The following GLI2 variants were observed in gnomAD, a reference collection of about 807,000 sequenced individuals.
GLI2 encodes the protein transcription activator GLI2.
GLI2 carries 22 observed loss-of-function variants against 78.9 expected under a neutral mutation model. The ratio of observed to expected loss-of-function variants is 0.28; its 90% CI spans 0.20 to 0.40. GLI2 has a LOEUF of 0.40. Among genes scored for constraint, GLI2 ranks in the 10% least tolerant of loss-of-function variants. GLI2 has a pLI of 1.00. For missense variants in GLI2, 2,097 were observed against 2,213.2 expected, an observed-to-expected ratio of 0.95 and a Z score of 1.05; for synonymous variants, 974 against 963.7, an observed-to-expected ratio of 1.01 and a Z score of -0.20.
chr2:120,979,622 G>A (rs280192), intron 10 of GLI2, among the ~76,000 whole-genome samples: 100,742 of 151,974 alleles, frequency 0.66, 33,918 homozygotes, highest in Non-Finnish European at 0.74. Flanking sequence ...CACCCTTTTC[G>A]GAAAATGTGC....
rs1302372905 is a variant in GLI2 at position 120,990,128 on chromosome 2, C to T, written c.4163C>T (p.Ala1388Val). The change falls in exon 14 of 14, where the codon GCC becomes GTC. Residue 1388 changes from alanine (A) to valine (V), a missense_variant. Coordinates refer to ENST00000361492, the MANE Select transcript of GLI2 (RefSeq NM_001374353.1). ...YARATGHAMA[A>V]MPSSQETAEA... is the part of the protein sequence containing the mutation. ...AGGGCCACAGGCCATGCCATGGCTG[C>T]CATGCCGTCCAGTCAGGAAACAGCA... is the stretch of plus-strand genomic sequence containing the variant. 2 of 1,605,312 alleles carry T rather than the reference C, an allele frequency of 1.2e-6. No individual in the cohort carries two copies. Among genetic ancestry groups the T allele is most frequent in the South Asian group, 1.1e-5 (1 of 90,406 alleles).
intron 3 of GLI2, among the ~76,000 whole-genome samples, chr2:120,928,531 G>A (rs1224407313): frequency 6.6e-6 from 1 of 152,190 alleles, no homozygotes; most frequent in Admixed American, 6.5e-5. Flanking sequence ...ATGAATAGGT[G>A]TACAACCAGT....
intron 2 of GLI2, among the ~76,000 whole-genome samples, chr2:120,889,640 A>T (rs746226649): frequency 3.3e-5 from 5 of 152,204 alleles, no homozygotes; most frequent in Admixed American, 2.0e-4. Flanking sequence ...AGTAAAAAAG[A>T]AACAATATAA....
At chr2:120,830,715 C>T (rs906982180) in intron 2 of GLI2, among the ~76,000 whole-genome samples, 1 of 152,314 alleles carries the variant, frequency 6.6e-6, no homozygotes. Flanking sequence ...TTCCCAGAAC[C>T]TCATGGCTGG....
chr2:120,968,732 C>T lies in GLI2; in HGVS notation c.662C>T (p.Pro221Leu), dbSNP rs774865060. 1.3e-5 allele frequency: 21 copies of T among 1,613,282 alleles called. No individual in the cohort carries two copies. The South Asian group carries it at 1.8e-4, about 13-fold the overall frequency. Reference sequence around the variant, plus strand: ...CCCACAGTGTCCCGTTTCTCCAGCCCGCGGGTGACGCCCCGCCTGAGCCGC... The same window carrying T: ...CCCACAGTGTCCCGTTTCTCCAGCCTGCGGGTGACGCCCCGCCTGAGCCGC... ...NPVDVSRFSS[P>L]RVTPRLSRKR... The change falls in exon 6 of 14, where the codon CCG becomes CTG. Residue 221 changes from proline (P) to leucine (L), a missense_variant. Pro to Leu is a moderately conservative substitution (Grantham distance 98, BLOSUM62 -3). Transcript: ENST00000361492.
chr2:120,798,977 A>G (rs955316289), intron 2 of GLI2, among the ~76,000 whole-genome samples: 6 of 152,090 alleles, frequency 3.9e-5, no homozygotes, highest in Admixed American at 3.3e-4. Context: ...CCTCCGCCCC[A>G]CACCCTGCCT....
intron 2 of GLI2, among the ~76,000 whole-genome samples, chr2:120,853,076 G>A (rs923005228): frequency 6.6e-6 from 1 of 152,174 alleles, no homozygotes; most frequent in Non-Finnish European, 1.5e-5. Flanking sequence ...GACAGTAGAC[G>A]ACACTGTCTC....
At chr2:120,771,992 C>T (rs182380466) in intron 1 of GLI2, among the ~76,000 whole-genome samples, 1 of 152,324 alleles carries the variant, frequency 6.6e-6, no homozygotes, top group East Asian at 1.9e-4. Flanking sequence ...GGAGTGACCC[C>T]TGTCAAATGC....
At chr2:120,967,881 G>A (rs1365539619) in intron 5 of GLI2, among the ~76,000 whole-genome samples, 1 of 152,200 alleles carries the variant, frequency 6.6e-6, no homozygotes, top group Non-Finnish European at 1.5e-5. Flanking sequence ...TCCCTGCCCT[G>A]TTACAGCAGG....
At chr2:120,963,162 A>C (rs1195618785) in intron 5 of GLI2, among the ~76,000 whole-genome samples, 1 of 152,130 alleles carries the variant, frequency 6.6e-6, no homozygotes. Context: ...TCCATTATTG[A>C]CTGGAGGCTC....
At chr2:120,844,590 G>T (rs1352587416) in intron 2 of GLI2, among the ~76,000 whole-genome samples, 1 of 152,028 alleles carries the variant, frequency 6.6e-6, no homozygotes, top group African/African-American at 2.4e-5. Flanking sequence ...TTGGACTATG[G>T]TTTCTCAAAG....
chr2:120,972,625 C>G (rs1279647184), intron 8 of GLI2: 2 of 518,786 alleles, frequency 3.9e-6, no homozygotes, highest in Non-Finnish European at 7.7e-6. Context: ...AGAGGTGGCG[C>G]TATGGGAGAA....
chr2:120,749,341 A>G (rs1205079227), intron 1 of GLI2, among the ~76,000 whole-genome samples: 2 of 152,350 alleles, frequency 1.3e-5, no homozygotes, highest in East Asian at 1.9e-4. Context: ...ACAATTATTA[A>G]TTAGTGATTA....
intron 2 of GLI2, among the ~76,000 whole-genome samples, chr2:120,849,419 G>T (rs1231487090): frequency 6.6e-6 from 1 of 152,082 alleles, no homozygotes; most frequent in African/African-American, 2.4e-5. Context: ...TAGAATCCAG[G>T]TGTTTATCTT....
intron 1 of GLI2, among the ~76,000 whole-genome samples, chr2:120,750,269 T>C (rs997616425): frequency 2.0e-5 from 3 of 152,180 alleles, no homozygotes; most frequent in Admixed American, 1.3e-4. Context: ...CACCCCCTTT[T>C]GGGGGCAAGT....
Position 120,984,484 on chromosome 2 carries a change from G to T in GLI2, c.1646G>T (p.Cys549Phe). 1 of 1,614,146 alleles carries T rather than the reference G, an allele frequency of 6.2e-7. No individual in the cohort carries two copies. Among genetic ancestry groups the T allele is most frequent in the Non-Finnish European group, 8.5e-7 (1 of 1,180,014 alleles). The change falls in exon 12 of 14, where the codon TGC becomes TTC. Residue 549 changes from cysteine to phenylalanine, a missense_variant. By Grantham distance (205) the Cys-to-Phe change is radical. Coordinates refer to ENST00000361492, the MANE Select transcript of GLI2 (RefSeq NM_001374353.1). ...TTCTCTCCCCAGAAACCCTACATCT[G>T]CAAGATCCCAGGCTGCACCAAGAGA... The part of the protein sequence containing the change: ...RTHSNEKPYI[C>F]KIPGCTKRYT...
At chr2:120,942,654 C>A (rs1328558857) in intron 3 of GLI2, among the ~76,000 whole-genome samples, 2 of 152,200 alleles carry the variant, frequency 1.3e-5, no homozygotes, top group African/African-American at 4.8e-5. Context: ...CTGCTCCTCA[C>A]AACAGATTTG....
At chr2:120,868,321 A>G (rs1189380568) in intron 2 of GLI2, among the ~76,000 whole-genome samples, 2 of 152,234 alleles carry the variant, frequency 1.3e-5, no homozygotes, top group Admixed American at 6.5e-5. Flanking sequence ...AGTATAGGAG[A>G]GAAGGAAACA....
At chr2:120,751,873 G>GTT (rs1338896866) in intron 1 of GLI2, among the ~76,000 whole-genome samples, 2 of 152,160 alleles carry the variant, frequency 1.3e-5, no homozygotes, top group East Asian at 3.8e-4. Context: ...GTGAGATCAT[G>GTT]TTTAAGGCTC....
Sources: allele counts gnomAD v4.1 joint callset (sites outside exome capture counted in the v4.1 genomes callset), GRCh38; gene constraint gnomAD v4.1.1; transcripts MANE v1.5; gene names NCBI Gene and HGNC (gene_info 2026-07-23, HGNC 2026-07-21).